The following GRTP1 variants were observed in gnomAD, a reference collection of about 807,000 sequenced individuals.
GRTP1 encodes growth hormone regulated TBC protein 1.
In GRTP1, 56 loss-of-function variants were observed where a neutral mutation model predicts 38.1. The ratio of observed to expected loss-of-function variants is 1.47; its 90% confidence interval spans 1.19 to 1.84. GRTP1 has a LOEUF of 1.84. GRTP1 is among the 40% of genes most tolerant of loss of function. The probability of loss-of-function intolerance (pLI) is 0.00; values close to 1 mark genes in which losing one functional copy is unlikely to be tolerated. For synonymous variants in GRTP1, 217 were observed against 189.5 expected, an observed-to-expected ratio of 1.14 and a Z score of -1.19; for missense variants, 506 against 453.9, an observed-to-expected ratio of 1.11 and a Z score of -1.04.
In GRTP1 at chr13:113,346,502, G is replaced by A. The variant is rs867997463; in HGVS notation, c.466-1543C>T. On this transcript the variant is annotated intron_variant, in intron 4 of 7. Coordinates refer to ENST00000375431, the MANE Select transcript of GRTP1 (RefSeq NM_024719.4). ...GACCTCTGTGCCTGACAGTGGACCCGGGAGGACCTCTGTGGCAAAGAGCAG... is the reference window on the plus strand; with the variant it reads ...GACCTCTGTGCCTGACAGTGGACCCAGGAGGACCTCTGTGGCAAAGAGCAG... 0.035 allele frequency among the ~76,000 whole-genome samples: 59 copies of A among 1,682 alleles called. 6 individuals carry two copies. The highest frequency in any genetic ancestry group is 0.044 in the African/African-American group (55 of 1,252). 1.1% of individuals were successfully genotyped at this position (1,682 alleles called of 152,430 possible).
Position 113,353,727 on chromosome 13 carries a change from T to C in GRTP1, c.340+1596A>G, listed in dbSNP as rs140357409. On this transcript the variant is annotated intron_variant, in intron 3 of 7. Coordinates refer to ENST00000375431, the MANE Select transcript of GRTP1 (RefSeq NM_024719.4). Reference sequence around the variant, plus strand: ...GGGGAAGCTCCCAAGAGCTTCAGCTTGGGAAAATGAAATGGTAAATTTTAT... The same window carrying C: ...GGGGAAGCTCCCAAGAGCTTCAGCTCGGGAAAATGAAATGGTAAATTTTAT... 3.5e-3 allele frequency among the ~76,000 whole-genome samples: 539 copies of C among 152,170 alleles called. 4 individuals carry two copies. Among genetic ancestry groups the C allele is most frequent in the Admixed American group, 8.4e-3 (129 of 15,296 alleles).
At chr13:113,332,965 C>T (rs1447129986) in intron 5 of GRTP1, among the ~76,000 whole-genome samples, 2 of 152,256 alleles carry the variant, frequency 1.3e-5, no homozygotes, top group African/African-American at 4.8e-5. Context: ...ACAGCACTGA[C>T]CAACCGCCTT....
At chr13:113,354,170 T>C (rs2139514220) in intron 3 of GRTP1, among the ~76,000 whole-genome samples, 1 of 152,314 alleles carries the variant, frequency 6.6e-6, no homozygotes, top group Middle Eastern at 3.4e-3. Flanking sequence ...CCCCACCCAC[T>C]GCACCCAAGC....
At chr13:113,346,196 GAGCAGACC>G (rs1566429528) in intron 4 of GRTP1, among the ~76,000 whole-genome samples, 2 of 75,518 alleles carry the variant, frequency 2.6e-5, no homozygotes, top group African/African-American at 1.1e-4. Flanking sequence ...CTGTGGCTGA[GAGCAGACC>G]CGGGAGGACC....
rs773458414 is a variant in GRTP1 at position 113,324,320 on chromosome 13, G to A, written c.*168C>T. ...CTTCATAGCTAATCATCAAAAGCTG[G>A]TAGAATGACCTGATTTTAAACTGCT... On this transcript the variant is annotated 3_prime_UTR_variant, in exon 8 of 8. Transcript: ENST00000375431. 1.3e-5 allele frequency: 13 copies of A among 1,024,970 alleles called. No homozygotes were observed. The highest frequency in any genetic ancestry group is 1.7e-5 in the Non-Finnish European group (13 of 770,620). The allele number at this position is 1,024,970 out of a possible 1,614,324, so 63.5% of individuals were successfully genotyped here.
chr13:113,346,027 TGGGAA>T (rs1566428689), intron 4 of GRTP1, among the ~76,000 whole-genome samples: 3 of 50,736 alleles, frequency 5.9e-5, no homozygotes, highest in East Asian at 6.2e-4. Flanking sequence ...TGAGCAGACC[TGGGAA>T]GACATCTGTG....
At position 113,346,085 on chromosome 13, in the gene GRTP1, T is replaced by TCTGTGCCTGACAGTGGACCC. The variant is rs2043110153; in HGVS notation, c.466-1127_466-1126insGGGTCCACTGTCAGGCACAG. 4.6e-4 allele frequency among the ~76,000 whole-genome samples: 4 copies of TCTGTGCCTGACAGTGGACCC among 8,686 alleles called. 1 individual carries two copies. Among genetic ancestry groups the TCTGTGCCTGACAGTGGACCC allele is most frequent in the African/African-American group, 1.2e-3 (3 of 2,540 alleles). 5.7% of individuals were successfully genotyped at this position (8,686 alleles called of 152,430 possible). A position where few individuals can be genotyped will look rare whatever the true frequency, so the allele number is the denominator to read the frequency against. On this transcript the variant is annotated intron_variant, in intron 4 of 7. Coordinates refer to ENST00000375431, the MANE Select transcript of GRTP1 (RefSeq NM_024719.4). ...GAGGACCTCTGCGGCTGAGCAGACC[T>TCTGTGCCTGACAGTGGACCC]GGGAAGACATCTGTGGCCGAGAACA...
At chr13:113,362,504 G>A (rs1216225414) in intron 2 of GRTP1, among the ~76,000 whole-genome samples, 1 of 152,070 alleles carries the variant, frequency 6.6e-6, no homozygotes, top group Non-Finnish European at 1.5e-5. Context: ...AGGAGTGGTG[G>A]CCACACCAGT....
chr13:113,331,595 G>T (rs1006767769), intron 5 of GRTP1, among the ~76,000 whole-genome samples: 2 of 151,618 alleles, frequency 1.3e-5, no homozygotes, highest in Non-Finnish European at 2.9e-5. Flanking sequence ...CTTCTCAGAC[G>T]CAGCTCAGGT....
At chr13:113,353,798 G>A (rs1356661943) in intron 3 of GRTP1, among the ~76,000 whole-genome samples, 2 of 152,166 alleles carry the variant, frequency 1.3e-5, no homozygotes, top group Non-Finnish European at 2.9e-5. Flanking sequence ...CAGCCAGGTG[G>A]GTGGCTCACT....
At chr13:113,325,269 G>A (rs1227422877) in intron 7 of GRTP1, 3 of 1,257,298 alleles carry the variant, frequency 2.4e-6, no homozygotes, top group Non-Finnish European at 3.0e-6. Context: ...CTGGCGTCTT[G>A]GCTTCCTCAG....
At chr13:113,355,245 T>G in intron 3 of GRTP1, 78 bp downstream of exon 3, 4 of 1,492,360 alleles carry the variant, frequency 2.7e-6, no homozygotes, top group Non-Finnish European at 3.7e-6. Context: ...CCCTGGACGC[T>G]GAGGCTAGAC....
At chr13:113,333,838 A>AGTGT (rs1555314877) in intron 5 of GRTP1, among the ~76,000 whole-genome samples, 3 of 23,546 alleles carry the variant, frequency 1.3e-4, no homozygotes, top group African/African-American at 2.0e-4. Context: ...TTATTTATTT[A>AGTGT]GTGTGTGTGT....
At chr13:113,356,615 C>T (rs542834158) in intron 2 of GRTP1, among the ~76,000 whole-genome samples, 1 of 152,142 alleles carries the variant, frequency 6.6e-6, no homozygotes, top group South Asian at 2.1e-4. Context: ...CCATACTTTA[C>T]AAAAGAAAAG....
At chr13:113,324,828 A>T in intron 7 of GRTP1, 1 of 1,187,816 alleles carries the variant, frequency 8.4e-7, no homozygotes, top group Non-Finnish European at 1.0e-6. Context: ...CTTCCATTAG[A>T]CTTTTTTTTT....
chr13:113,345,299 T>G (rs529096494), intron 4 of GRTP1, among the ~76,000 whole-genome samples: 2 of 152,356 alleles, frequency 1.3e-5, no homozygotes, highest in African/African-American at 4.8e-5. Context: ...ATCAACAGCA[T>G]GAAACTCTCT....
Position 113,324,266 on chromosome 13 carries a change from TA to T in GRTP1, c.*221del, listed in dbSNP as rs1426445214. On this transcript the variant is annotated 3_prime_UTR_variant, in exon 8 of 8. Transcript: ENST00000375431. Reference sequence around the variant, plus strand: ...TTTTATATATTATTGATCTCTCAGGTAAAAATAAGTTTTCTTTAAAAAGTAT... The same window carrying T: ...TTTTATATATTATTGATCTCTCAGGTAAAATAAGTTTTCTTTAAAAAGTAT... 1 of 540,602 alleles carries T rather than the reference TA, an allele frequency of 1.8e-6. No individual in the cohort carries two copies. The highest frequency in any genetic ancestry group is 2.9e-6 in the Non-Finnish European group (1 of 343,550). 33.5% of individuals were successfully genotyped at this position (540,602 alleles called of 1,614,324 possible). A position where few individuals can be genotyped will look rare whatever the true frequency, so the allele number is the denominator to read the frequency against.
In GRTP1 at chr13:113,364,002, G is replaced by A. The variant is rs753203124; in HGVS notation, c.32+18C>T. The A allele has an allele frequency of 9.8e-5, 144 of 1,470,676 alleles. 1 individual carries two copies. The highest frequency in any genetic ancestry group is 1.7e-4 in the Admixed American group (7 of 40,254). 91.1% of individuals were successfully genotyped at this position (1,470,676 alleles called of 1,614,324 possible). ...GGGACCGCAGCCGCCGGGGACGCCC[G>A]CACCCCGCGCCACACACCTGGGGAC... On this transcript the variant is annotated intron_variant, in intron 1 of 7. Transcript: ENST00000375431.
intron 4 of GRTP1, among the ~76,000 whole-genome samples, chr13:113,345,461 C>G (rs72665283): frequency 6.6e-6 from 1 of 152,258 alleles, no homozygotes; most frequent in Non-Finnish European, 1.5e-5. Context: ...TCCAACATCA[C>G]GTATGTGACC....
Sources: gnomAD v4.1 joint callset for allele counts (sites outside exome capture counted in the v4.1 genomes callset) on GRCh38, gnomAD v4.1.1 for gene constraint, MANE v1.5 for transcripts, NCBI Gene and HGNC (gene_info 2026-07-23, HGNC 2026-07-21) for gene names.